The following MEGF11 variants were observed in gnomAD, a reference collection of about 807,000 sequenced individuals.
MEGF11 encodes the protein multiple EGF like domains 11.
In MEGF11, 126 loss-of-function variants were observed where a neutral mutation model predicts 146.6. The observed-to-expected ratio is 0.86, with a 90% CI of 0.74 to 1.00. MEGF11 has a LOEUF of 1.00. Ranked by LOEUF, MEGF11 falls within the 50% of genes least tolerant of loss-of-function variation. The pLI, the probability that MEGF11 is intolerant of heterozygous loss-of-function variation, is 0.00. For missense variants in MEGF11, 1,509 were observed against 1,521.2 expected, an observed-to-expected ratio of 0.99 and a Z score of 0.13; for synonymous variants, 532 against 583.4, an observed-to-expected ratio of 0.91 and a Z score of 1.27.
At chr15:66,209,121 C>T (rs1333379725) in intron 1 of MEGF11, among the ~76,000 whole-genome samples, 8 of 152,002 alleles carry the variant, frequency 5.3e-5, no homozygotes, top group Admixed American at 6.5e-5. Flanking sequence ...GAGGCTGAGG[C>T]GGGTGGACCA....
intron 4 of MEGF11, among the ~76,000 whole-genome samples, chr15:66,096,596 G>A (rs1186303014): frequency 6.6e-6 from 1 of 152,152 alleles, no homozygotes; most frequent in African/African-American, 2.4e-5. Flanking sequence ...CGTTCCAGAG[G>A]GAACAGCAGA....
At chr15:66,080,208 T>G (rs910531454) in intron 5 of MEGF11, among the ~76,000 whole-genome samples, 6 of 152,200 alleles carry the variant, frequency 3.9e-5, no homozygotes, top group African/African-American at 1.4e-4. Flanking sequence ...CTTTCAGGCT[T>G]GAGCACAGGC....
chr15:66,133,852 T>C (rs1450719667), intron 1 of MEGF11, among the ~76,000 whole-genome samples: 1 of 152,226 alleles, frequency 6.6e-6, no homozygotes, highest in Non-Finnish European at 1.5e-5. Flanking sequence ...ATTCCCTGAC[T>C]GCAGGAGCAC....
At chr15:65,920,808 C>T (rs2079149941) in intron 15 of MEGF11, among the ~76,000 whole-genome samples, 2 of 152,178 alleles carry the variant, frequency 1.3e-5, no homozygotes, top group Non-Finnish European at 2.9e-5. Flanking sequence ...AGGGCAGTTG[C>T]CATTAATAGC....
chr15:66,154,636 C>T (rs1452824616), intron 1 of MEGF11, among the ~76,000 whole-genome samples: 5 of 152,326 alleles, frequency 3.3e-5, no homozygotes, highest in Admixed American at 6.5e-5. Flanking sequence ...GCTGGAGGGA[C>T]GTGCAAGACA....
intron 1 of MEGF11, among the ~76,000 whole-genome samples, chr15:66,197,088 G>C (rs2091026850): frequency 6.6e-6 from 1 of 152,324 alleles, no homozygotes; most frequent in East Asian, 1.9e-4. Flanking sequence ...TCTCTTCTGT[G>C]TAAGTAATGG....
rs779005809 is a variant in MEGF11 at position 65,929,867 on chromosome 15, G to T, written c.1425C>A (p.Asp475Glu). 5 of 1,598,468 alleles carry T rather than the reference G, an allele frequency of 3.1e-6. No homozygotes were observed. Among genetic ancestry groups the T allele is most frequent in the Non-Finnish European group, 4.3e-6 (5 of 1,172,928 alleles). The change falls in exon 12 of 26, where the codon GAC becomes GAA. Residue 475 changes from aspartate (D) to glutamate (E), a missense_variant. Transcript: ENST00000395614. ...TCCCACTGGGACATGGCAGGGTGCA[G>T]TCCAGGCCCTGCCACCCTGAGGGGA... Reference protein sequence around the residue: ...CTCKEGWQGLDCTLPCPSGTW... With the variant: ...CTCKEGWQGLECTLPCPSGTW...
At chr15:65,997,017 G>A (rs2082220383) in intron 5 of MEGF11, among the ~76,000 whole-genome samples, 1 of 152,190 alleles carries the variant, frequency 6.6e-6, no homozygotes, top group South Asian at 2.1e-4. Context: ...GTCGCTTTGG[G>A]ATTGGGGACT....
intron 5 of MEGF11, among the ~76,000 whole-genome samples, chr15:66,092,188 G>T (rs1047318745): frequency 5.9e-5 from 9 of 152,222 alleles, no homozygotes; most frequent in African/African-American, 2.2e-4. Flanking sequence ...ATGGGCTTCC[G>T]AAAGAGGTAG....
At chr15:66,169,608 G>A (rs1411640964) in intron 1 of MEGF11, among the ~76,000 whole-genome samples, 1 of 152,252 alleles carries the variant, frequency 6.6e-6, no homozygotes, top group South Asian at 2.1e-4. Flanking sequence ...GTCTCAGCGA[G>A]CACTGACATC....
intron 1 of MEGF11, among the ~76,000 whole-genome samples, chr15:66,171,528 G>A (rs7177505): frequency 0.46 from 69,638 of 151,844 alleles, 16,269 homozygotes; most frequent in South Asian, 0.66. Flanking sequence ...AGAAGGGAAT[G>A]GAGAGGTGGG....
At chr15:65,984,925 C>T (rs142118519) in intron 5 of MEGF11, among the ~76,000 whole-genome samples, 1,958 of 152,072 alleles carry the variant, frequency 0.013, 29 homozygotes, top group South Asian at 0.048. Context: ...CCTGCCACCA[C>T]GCCTGGCTAA....
chr15:66,173,913 G>T (rs1179908757), intron 1 of MEGF11, among the ~76,000 whole-genome samples: 1 of 152,178 alleles, frequency 6.6e-6, no homozygotes, highest in African/African-American at 2.4e-5. Context: ...TCTCTTGGAT[G>T]GTCAAGTGCC....
At chr15:66,238,850 G>A (rs540147915) in intron 1 of MEGF11, among the ~76,000 whole-genome samples, 4 of 122,764 alleles carry the variant, frequency 3.3e-5, no homozygotes, top group Non-Finnish European at 4.7e-5. Flanking sequence ...CCGCCACATC[G>A]CTTGTCACCT....
intron 1 of MEGF11, among the ~76,000 whole-genome samples, chr15:66,162,901 T>A (rs2141082859): frequency 6.6e-6 from 1 of 152,230 alleles, no homozygotes; most frequent in East Asian, 1.9e-4. Flanking sequence ...GGAGGTTAAG[T>A]TCAAAAGTCA....
intron 5 of MEGF11, among the ~76,000 whole-genome samples, chr15:66,008,340 C>T (rs1421207578): frequency 2.6e-5 from 4 of 151,956 alleles, no homozygotes; most frequent in Admixed American, 2.6e-4. Context: ...CATCAATTTT[C>T]CCAGCGTCAC....
chr15:66,014,303 G>A (rs1187438279), intron 5 of MEGF11, among the ~76,000 whole-genome samples: 5 of 152,178 alleles, frequency 3.3e-5, no homozygotes, highest in African/African-American at 4.8e-5. Flanking sequence ...TGCAAATACC[G>A]TATTTCCAAA....
chr15:65,932,157 T>C (rs1470667322), intron 10 of MEGF11, among the ~76,000 whole-genome samples: 1 of 152,202 alleles, frequency 6.6e-6, no homozygotes, highest in Non-Finnish European at 1.5e-5. Flanking sequence ...CTTCTGCTGA[T>C]CTGGCAGGAA....
At chr15:65,993,873 A>G (rs1443819440) in intron 5 of MEGF11, among the ~76,000 whole-genome samples, 4 of 152,066 alleles carry the variant, frequency 2.6e-5, no homozygotes, top group East Asian at 1.9e-4. Flanking sequence ...GCCTCTCTCT[A>G]TCTCTCTCAC....
Sources: gnomAD v4.1 joint callset for allele counts (sites outside exome capture counted in the v4.1 genomes callset) on GRCh38, gnomAD v4.1.1 for gene constraint, MANE v1.5 for transcripts, NCBI Gene and HGNC (gene_info 2026-07-23, HGNC 2026-07-21) for gene names.